The following PGCKA1 variants were observed in gnomAD, a reference collection of about 807,000 sequenced individuals.
PGCKA1 encodes the protein PDCD10 and GCKIII kinases-associated protein 1.
chr4:37,499,973 A>G, the PGCKA1 span, among the ~76,000 whole-genome samples: 9 of 120,452 alleles, frequency 7.5e-5, no homozygotes, highest in African/African-American at 6.5e-5. Context: ...CCCAGACTTG[A>G]GTCCAGTGGC....
chr4:37,469,506 A>C, the PGCKA1 span, among the ~76,000 whole-genome samples: 2 of 152,276 alleles, frequency 1.3e-5, no homozygotes, highest in East Asian at 3.9e-4. Flanking sequence ...ATGTGACTGA[A>C]CCACACCCCA....
chr4:37,552,812 C>T, the PGCKA1 span, among the ~76,000 whole-genome samples: 2 of 152,134 alleles, frequency 1.3e-5, no homozygotes, highest in Non-Finnish European at 2.9e-5. Context: ...TCTTGTCATT[C>T]ACCACTTCAG....
At chr4:37,525,874 A>G in the PGCKA1 span, among the ~76,000 whole-genome samples, 1 of 152,188 alleles carries the variant, frequency 6.6e-6, no homozygotes, top group Non-Finnish European at 1.5e-5. Flanking sequence ...ATGAAAACTC[A>G]TTTCTGCCAT....
the PGCKA1 span, among the ~76,000 whole-genome samples, chr4:37,583,151 A>G: frequency 6.6e-6 from 1 of 152,334 alleles, no homozygotes; most frequent in South Asian, 2.1e-4. Flanking sequence ...TTTGGCCAGT[A>G]AAACTTCTAC....
chr4:37,525,714 A>G, the PGCKA1 span, among the ~76,000 whole-genome samples: 4 of 152,194 alleles, frequency 2.6e-5, no homozygotes, highest in Non-Finnish European at 4.4e-5. Flanking sequence ...TACAGGACCA[A>G]TCCAGCCTCA....
At chr4:37,588,816 G>T in the PGCKA1 span, 3 of 1,516,626 alleles carry the variant, frequency 2.0e-6, no homozygotes, top group South Asian at 2.2e-5. Context: ...CACTCACTGT[G>T]TTCTCTACCT....
chr4:37,501,450 T>C, the PGCKA1 span, among the ~76,000 whole-genome samples: 1 of 152,098 alleles, frequency 6.6e-6, no homozygotes, highest in African/African-American at 2.4e-5. Flanking sequence ...TAACGTGAGG[T>C]GGAACAGTTT....
chr4:37,462,955 T>A, the PGCKA1 span, among the ~76,000 whole-genome samples: 2 of 108,742 alleles, frequency 1.8e-5, no homozygotes, highest in African/African-American at 3.6e-5. Flanking sequence ...AGAGCGAGAC[T>A]CAGTATCAAA....
chr4:37,505,840 A>G, the PGCKA1 span, among the ~76,000 whole-genome samples: 2 of 152,178 alleles, frequency 1.3e-5, no homozygotes, highest in Admixed American at 1.3e-4. Flanking sequence ...TATTTTTTGG[A>G]ATAGTTTGAG....
the PGCKA1 span, among the ~76,000 whole-genome samples, chr4:37,491,995 T>C: frequency 6.6e-6 from 1 of 152,152 alleles, no homozygotes; most frequent in East Asian, 1.9e-4. Context: ...CTTGCTTCAT[T>C]AAGCAAATAT....
chr4:37,460,552 T>G, the PGCKA1 span: 1 of 453,788 alleles, frequency 2.2e-6, no homozygotes, highest in East Asian at 7.0e-5. Flanking sequence ...CTGTGGAATC[T>G]CATTGTGGTT....
At chr4:37,512,441 A>G in the PGCKA1 span, among the ~76,000 whole-genome samples, 1 of 149,118 alleles carries the variant, frequency 6.7e-6, no homozygotes, top group South Asian at 2.1e-4. Context: ...CCTTACCCAG[A>G]AAGTGTTGAT....
the PGCKA1 span, among the ~76,000 whole-genome samples, chr4:37,572,116 G>A: frequency 7.5e-6 from 1 of 132,960 alleles, no homozygotes; most frequent in Non-Finnish European, 1.6e-5. Context: ...AGGCTGGAGT[G>A]CAGTGGCGGG....
chr4:37,509,283 C>G, the PGCKA1 span, among the ~76,000 whole-genome samples: 1 of 130,182 alleles, frequency 7.7e-6, no homozygotes, highest in African/African-American at 3.1e-5. Flanking sequence ...ACCTCCCAGA[C>G]AGGGCGGCTG....
chr4:37,479,769 A>T, the PGCKA1 span, among the ~76,000 whole-genome samples: 1 of 152,170 alleles, frequency 6.6e-6, no homozygotes, highest in Non-Finnish European at 1.5e-5. Context: ...TTTTCTTCTC[A>T]TCCTGGAAGC....
the PGCKA1 span, among the ~76,000 whole-genome samples, chr4:37,544,898 C>A: frequency 6.7e-6 from 1 of 150,236 alleles, no homozygotes; most frequent in Non-Finnish European, 1.5e-5. Context: ...GCTCTTGTTG[C>A]GCAGGCTGGA....
chr4:37,590,855 T>C, the PGCKA1 span: 12 of 1,614,046 alleles, frequency 7.4e-6, no homozygotes, highest in Admixed American at 3.3e-5. Context: ...ATGCCTGTGG[T>C]TGACTCAGGA....
chr4:37,551,751 A>T, the PGCKA1 span, among the ~76,000 whole-genome samples: 2 of 152,220 alleles, frequency 1.3e-5, no homozygotes, highest in African/African-American at 4.8e-5. Context: ...GAAAAATTTA[A>T]AACTCTTATA....
At chr4:37,571,355 CTTTTTT>C in the PGCKA1 span, among the ~76,000 whole-genome samples, 3 of 78,036 alleles carry the variant, frequency 3.8e-5, no homozygotes, top group Admixed American at 1.8e-4. Context: ...GACTATTATC[CTTTTTT>C]TTTTTTTTTT....
Sources: allele counts gnomAD v4.1 joint callset (sites outside exome capture counted in the v4.1 genomes callset), GRCh38; gene constraint gnomAD v4.1.1; transcripts MANE v1.5; gene names NCBI Gene and HGNC (gene_info 2026-07-23, HGNC 2026-07-21).